Variants in THSD7A observed in about 807,000 individuals in gnomAD.
The protein encoded by THSD7A is thrombospondin type 1 domain containing 7A.
In THSD7A, 96 loss-of-function variants were observed where a neutral mutation model predicts 231.3. The observed-to-expected ratio is 0.41, with a 90% confidence interval of 0.35 to 0.49. THSD7A has a LOEUF of 0.49. Among genes scored for constraint, THSD7A ranks in the 20% least tolerant of loss-of-function variants. THSD7A has a pLI of 0.05. For missense variants in THSD7A, 2,290 were observed against 2,070.2 expected, an observed-to-expected ratio of 1.11 and a Z score of -2.06; for synonymous variants, 940 against 743.3, an observed-to-expected ratio of 1.26 and a Z score of -4.30.
intron 2 of THSD7A, among the ~76,000 whole-genome samples, chr7:11,611,830 A>ATCTGT (rs1780936564): frequency 2.1e-5 from 3 of 141,252 alleles, no homozygotes; most frequent in East Asian, 2.2e-4. Flanking sequence ...ACACACACAC[A>ATCTGT]CTATCATCTG....
rs763439231 is a variant in THSD7A, at chr7:11,382,543, C to G, written c.4485G>C (p.Arg1495Ser). ...KGSSRTVWCQRSDGINVTGGC... is the reference protein window; with the variant it reads ...KGSSRTVWCQSSDGINVTGGC... ...TACCTGTTACATTTATACCATCTGA[C>G]CTTTGACACCACACTGTTCGGGAAG... Residue 1495 changes from arginine to serine, a missense_variant, in exon 24 of 28, where the codon AGG becomes AGC. Transcript: ENST00000423059. The G allele has an allele frequency of 6.2e-7, 1 of 1,612,682 alleles. No individual in the cohort carries two copies. The highest frequency in any genetic ancestry group is 8.5e-7 in the Non-Finnish European group (1 of 1,179,102).
chr7:11,721,838 C>A (rs1456517223), intron 1 of THSD7A, among the ~76,000 whole-genome samples: 2 of 151,826 alleles, frequency 1.3e-5, no homozygotes, highest in African/African-American at 2.4e-5. Flanking sequence ...GTATTCCAGG[C>A]CTTCCAAAAT....
At chr7:11,595,980 C>G (rs994665792) in intron 2 of THSD7A, among the ~76,000 whole-genome samples, 5 of 152,150 alleles carry the variant, frequency 3.3e-5, no homozygotes, top group African/African-American at 1.2e-4. Context: ...GGAAGCCTAC[C>G]GTATTCCTAC....
chr7:11,542,238 C>T (rs1401146455), intron 5 of THSD7A, among the ~76,000 whole-genome samples: 1 of 152,190 alleles, frequency 6.6e-6, no homozygotes, highest in African/African-American at 2.4e-5. Context: ...CTGCTTTGTG[C>T]TTTAATAGCA....
At chr7:11,757,368 A>C (rs192271341) in intron 1 of THSD7A, among the ~76,000 whole-genome samples, 4 of 152,108 alleles carry the variant, frequency 2.6e-5, no homozygotes, top group African/African-American at 7.2e-5. Flanking sequence ...AATAACAACA[A>C]ATGTTAAGGC....
intron 6 of THSD7A, among the ~76,000 whole-genome samples, chr7:11,528,846 T>A (rs1227498100): frequency 1.3e-5 from 2 of 151,882 alleles, no homozygotes; most frequent in Admixed American, 6.6e-5. Flanking sequence ...CCTGGTGACT[T>A]TTTTTTTGAA....
At chr7:11,410,715 G>A (rs1003979233) in intron 19 of THSD7A, among the ~76,000 whole-genome samples, 2 of 151,906 alleles carry the variant, frequency 1.3e-5, no homozygotes, top group Admixed American at 1.3e-4. Flanking sequence ...TCATTCCTCT[G>A]TTTGAATTTC....
chr7:11,678,330 G>A (rs1783724021), intron 1 of THSD7A, among the ~76,000 whole-genome samples: 1 of 152,034 alleles, frequency 6.6e-6, no homozygotes. Context: ...CAGAAGACAA[G>A]AAATAACTAA....
At chr7:11,655,517 T>TCCTAATAA (rs1166411400) in intron 1 of THSD7A, among the ~76,000 whole-genome samples, 1 of 151,930 alleles carries the variant, frequency 6.6e-6, no homozygotes, top group African/African-American at 2.4e-5. Context: ...CTCTTGTTTT[T>TCCTAATAA]GTTCCTTCTT....
At chr7:11,392,428 T>C (rs1237281185) in intron 23 of THSD7A, among the ~76,000 whole-genome samples, 2 of 152,098 alleles carry the variant, frequency 1.3e-5, no homozygotes, top group Non-Finnish European at 2.9e-5. Flanking sequence ...ACCAGGGCCT[T>C]GGGTTTCAAG....
chr7:11,797,473 G>C (rs936706976), intron 1 of THSD7A, among the ~76,000 whole-genome samples: 7 of 138,672 alleles, frequency 5.0e-5, no homozygotes, highest in African/African-American at 1.6e-4. Flanking sequence ...CTGGAGTGCA[G>C]TGGCACAATC....
chr7:11,751,238 C>T (rs1286128141), intron 1 of THSD7A: 1 of 152,000 alleles, frequency 6.6e-6, no homozygotes, highest in Non-Finnish European at 1.5e-5. Context: ...GTCTGTTGGT[C>T]CAACAGATGC....
chr7:11,644,127 G>T (rs1477501790), intron 1 of THSD7A, among the ~76,000 whole-genome samples: 1 of 150,516 alleles, frequency 6.6e-6, no homozygotes, highest in African/African-American at 2.4e-5. Flanking sequence ...CAAAGCTTAT[G>T]AAGAATTCAC....
chr7:11,456,013 G>C (rs1278778428), intron 11 of THSD7A, among the ~76,000 whole-genome samples: 2 of 152,020 alleles, frequency 1.3e-5, no homozygotes, highest in Admixed American at 6.6e-5. Flanking sequence ...GCAGGCCTAG[G>C]AGGCATGGCT....
Position 11,447,173 on chromosome 7 carries a change from T to C in THSD7A, c.2800+57A>G, listed in dbSNP as rs1784996517. ...CTGTCAGAATTCTCTCAGTCTGACT[T>C]GTATTATGTTCCTCTACTTTGACGT... On this transcript the variant is annotated intron_variant, in intron 12 of 27. Coordinates refer to ENST00000423059, the MANE Select transcript of THSD7A (RefSeq NM_015204.3). The C allele has an allele frequency of 5.3e-6, 8 of 1,519,526 alleles. No individual in the cohort carries two copies. In the Admixed American group the frequency reaches 1.0e-4, roughly 20 times the overall value. 94.1% of individuals were successfully genotyped at this position (1,519,526 alleles called of 1,614,324 possible). A position where few individuals can be genotyped will look rare whatever the true frequency, so the allele number is the denominator to read the frequency against.
chr7:11,403,714 C>G (rs1562582545), intron 22 of THSD7A, among the ~76,000 whole-genome samples: 1 of 152,172 alleles, frequency 6.6e-6, no homozygotes, highest in African/African-American at 2.4e-5. Flanking sequence ...TAATGATAGT[C>G]TGTGAGTTAT....
intron 1 of THSD7A, among the ~76,000 whole-genome samples, chr7:11,820,064 A>G (rs1183848931): frequency 1.3e-5 from 2 of 152,136 alleles, no homozygotes; most frequent in African/African-American, 4.8e-5. Flanking sequence ...ACAGATGAGA[A>G]AAACAGCTAA....
chr7:11,659,650 T>G (rs1782851036), intron 1 of THSD7A, among the ~76,000 whole-genome samples: 2 of 151,634 alleles, frequency 1.3e-5, no homozygotes, highest in African/African-American at 4.8e-5. Flanking sequence ...ATTCTTGTTA[T>G]TTTTCTATTT....
chr7:11,502,213 A>G (rs1400232913), intron 6 of THSD7A, among the ~76,000 whole-genome samples: 4 of 152,194 alleles, frequency 2.6e-5, no homozygotes, highest in Non-Finnish European at 5.9e-5. Flanking sequence ...CCAGATGTAT[A>G]AAGAGCTGGT....
Sources: gnomAD v4.1 joint callset for allele counts (sites outside exome capture counted in the v4.1 genomes callset) on GRCh38, gnomAD v4.1.1 for gene constraint, MANE v1.5 for transcripts, NCBI Gene and HGNC (gene_info 2026-07-23, HGNC 2026-07-21) for gene names.